Variants in JADE2 observed in about 807,000 individuals in gnomAD.
JADE2 encodes the protein jade family PHD finger 2.
JADE2 carries 13 observed loss-of-function variants against 85.7 expected under a neutral mutation model. The ratio of observed to expected loss-of-function variants is 0.15; its 90% CI spans 0.10 to 0.24. JADE2 has a LOEUF of 0.24. Ranked by LOEUF, JADE2 falls within the 10% of genes least tolerant of loss-of-function variation. The pLI is 1.00. For missense variants in JADE2, 846 were observed against 1,115.9 expected (o/e 0.76, Z 3.45); for synonymous variants, 440 against 456.1 (o/e 0.96, Z 0.45).
chr5:134,560,823 A>G lies in JADE2; in HGVS notation c.550A>G (p.Arg184Gly). ...LETLCHQNMARAIETQEGLGI... is the reference protein window; with the variant it reads ...LETLCHQNMAGAIETQEGLGI... ...GACCCTGTGCCACCAGAATATGGCC[A>G]GGGCCATTGAGACGCAGGAGGGGCT... Residue 184 changes from arginine (R) to glycine (G), a missense_variant, in exon 6 of 12, where the codon AGG becomes GGG. By Grantham distance (125) the Arg-to-Gly change is moderately radical. This residue lies in a region of JADE2 where 129 missense variants were observed against 255.4 expected (regional missense o/e 0.51). Transcript: ENST00000681547. 6.2e-7 allele frequency: 1 copy of G among 1,614,196 alleles called. No homozygotes were observed. Among genetic ancestry groups the G allele is most frequent in the Non-Finnish European group, 8.5e-7 (1 of 1,180,018 alleles).
chr5:134,558,632 G>A (rs1278652863), intron 4 of JADE2, among the ~76,000 whole-genome samples: 2 of 152,204 alleles, frequency 1.3e-5, no homozygotes, highest in African/African-American at 4.8e-5. Context: ...TCCGCCTCCC[G>A]GGTTCAAGCA....
At chr5:134,535,966 C>T in intron 2 of JADE2, 51 bp downstream of exon 2, 1 of 1,452,254 alleles carries the variant, frequency 6.9e-7, no homozygotes, top group Non-Finnish European at 9.7e-7. Flanking sequence ...GAACAGTGAT[C>T]AGGCCCACAG....
At chr5:134,527,020 C>G (rs1014582765) in intron 1 of JADE2, among the ~76,000 whole-genome samples, 1 of 152,178 alleles carries the variant, frequency 6.6e-6, no homozygotes, top group Non-Finnish European at 1.5e-5. Context: ...GCCTAGGGCC[C>G]TGCACCATGG....
At position 134,548,660 on chromosome 5, in the gene JADE2, T is replaced by G. The variant is rs1762435606; in HGVS notation, c.154-3392T>G. 2.0e-5 allele frequency among the ~76,000 whole-genome samples: 3 copies of G among 152,130 alleles called. No individual in the cohort carries two copies. In the South Asian group the frequency reaches 6.2e-4, roughly 32 times the overall value. Reference sequence around the variant, plus strand: ...CTCTTTTGTCTTCCCACAATCTCCCTAACTGTAGTGGGAAGGGACTCTGAA... The same window carrying G: ...CTCTTTTGTCTTCCCACAATCTCCCGAACTGTAGTGGGAAGGGACTCTGAA... On this transcript the variant is annotated intron_variant, in intron 3 of 11. Transcript: ENST00000681547.
chr5:134,571,683 C>T (rs1276028003), intron 9 of JADE2, among the ~76,000 whole-genome samples: 1 of 152,190 alleles, frequency 6.6e-6, no homozygotes, highest in Non-Finnish European at 1.5e-5. Context: ...GGCGACAGAC[C>T]GAGACCCCGT....
At chr5:134,533,678 A>G (rs920842190) in intron 1 of JADE2, 1 of 500,118 alleles carries the variant, frequency 2.0e-6, no homozygotes, top group East Asian at 1.5e-4. Flanking sequence ...GAGCTGAGGA[A>G]GACGTAGGCT....
At chr5:134,554,311 C>T (rs1762783891) in intron 4 of JADE2, among the ~76,000 whole-genome samples, 1 of 152,114 alleles carries the variant, frequency 6.6e-6, no homozygotes, top group African/African-American at 2.4e-5. Flanking sequence ...TGCCCCAGGC[C>T]TCTCCAGAAG....
At chr5:134,545,261 A>G (rs1486967043) in intron 3 of JADE2, among the ~76,000 whole-genome samples, 2 of 152,152 alleles carry the variant, frequency 1.3e-5, no homozygotes, top group Non-Finnish European at 2.9e-5. Flanking sequence ...ATCCACTTCT[A>G]TAGTTGGAAA....
chr5:134,534,496 G>A (rs1761459091), intron 1 of JADE2, among the ~76,000 whole-genome samples: 1 of 152,036 alleles, frequency 6.6e-6, no homozygotes, highest in South Asian at 2.1e-4. Flanking sequence ...GTAGAGAGAA[G>A]CTCCCGGCTA....
Position 134,578,799 on chromosome 5 carries a change from A to C in JADE2, c.1987A>C (p.Thr663Pro), listed in dbSNP as rs1257234192. ...PPPQDGPGSR[T>P]TPDKAPKKTW... The stretch of plus-strand genomic sequence containing the variant: ...ACCGCAGGACGGGCCTGGTTCACGG[A>C]CGACTCCAGACAAAGCCCCCAAGAA... Residue 663 changes from threonine to proline, a missense_variant, in exon 12 of 12, where the codon ACG (threonine) becomes CCG (proline). By Grantham distance (38) the Thr-to-Pro change is conservative (BLOSUM62 -1). Around this residue, in one of 9 missense-constraint regions of JADE2, gnomAD observed 300 missense variants for 300.7 expected, o/e 1.00. Coordinates refer to ENST00000681547, the MANE Select transcript of JADE2 (RefSeq NM_001388185.1). This position sits in a 1 kb window ranked among gnomAD's most constrained non-coding sequence, Gnocchi z 4.4. 3 of 1,613,734 alleles carry C rather than the reference A, an allele frequency of 1.9e-6. No homozygotes were observed. Among genetic ancestry groups the C allele is most frequent in the South Asian group, 2.2e-5 (2 of 91,080 alleles).
At chr5:134,564,834 C>T (rs1318191572) in intron 8 of JADE2, among the ~76,000 whole-genome samples, 5 of 152,302 alleles carry the variant, frequency 3.3e-5, no homozygotes, top group Non-Finnish European at 5.9e-5. Context: ...AACCAAGGCT[C>T]ACCACCCCAT....
chr5:134,578,790 G>A lies in JADE2; in HGVS notation c.1978G>A (p.Gly660Ser). The part of the protein sequence containing the change: ...PPPPPPQDGP[G>S]SRTTPDKAPK... ...ACCACCACCACCGCAGGACGGGCCT[G>A]GTTCACGGACGACTCCAGACAAAGC... Residue 660 changes from glycine (G) to serine (S), a missense_variant, in exon 12 of 12, where the codon GGT becomes AGT. Around this residue, in one of 9 missense-constraint regions of JADE2, gnomAD observed 300 missense variants for 300.7 expected, o/e 1.00. Transcript: ENST00000681547. This position sits in a 1 kb window ranked among gnomAD's most constrained non-coding sequence, Gnocchi z 4.4. 1 of 1,613,798 alleles carries A rather than the reference G, an allele frequency of 6.2e-7. No homozygotes were observed. Among genetic ancestry groups the A allele is most frequent in the Non-Finnish European group, 8.5e-7 (1 of 1,180,004 alleles).
intron 8 of JADE2, 81 bp downstream of exon 8, chr5:134,564,691 C>T (rs1763531217): frequency 1.1e-6 from 1 of 870,902 alleles, no homozygotes; most frequent in Non-Finnish European, 1.8e-6. Flanking sequence ...CTGCCACCAC[C>T]TTCTCCCCTC....
rs980257177 is a variant in JADE2 at position 134,552,078 on chromosome 5, C to T, written c.180C>T (p.Ala60=). 4.3e-6 allele frequency: 7 copies of T among 1,614,108 alleles called. No homozygotes were observed. The Admixed American group carries it at 1.2e-4, about 27-fold the overall frequency. The stretch of plus-strand genomic sequence containing the variant: ...TTTTCCGGACAGACTTGATCACAGC[C>T]ATGAAGATCCCGGACTCATACCAGC... ...SEVFRTDLIT[A]MKIPDSYQLS... is the part of the protein sequence containing the mutation. Residue 60 remains alanine, a synonymous_variant, in exon 4 of 12, where the codon GCC becomes GCT. Coordinates refer to ENST00000681547, the MANE Select transcript of JADE2 (RefSeq NM_001388185.1).
chr5:134,581,178 G>T lies in JADE2; in HGVS notation c.*1861G>T, dbSNP rs1293694059. Reference sequence around the variant, plus strand: ...GATCGGACAAATGTGTCTAGTCCGGGTGGACTCGGAGGGAGTGGGGTGGGC... The same window carrying T: ...GATCGGACAAATGTGTCTAGTCCGGTTGGACTCGGAGGGAGTGGGGTGGGC... On this transcript the variant is annotated 3_prime_UTR_variant, in exon 12 of 12. Transcript: ENST00000681547. 1 of 152,546 alleles carries T rather than the reference G, an allele frequency of 6.6e-6. No individual in the cohort carries two copies. Among genetic ancestry groups the T allele is most frequent in the Non-Finnish European group, 1.5e-5 (1 of 68,052 alleles). 9.4% of individuals were successfully genotyped at this position (152,546 alleles called of 1,614,324 possible).
intron 9 of JADE2, among the ~76,000 whole-genome samples, chr5:134,570,796 T>C (rs1405002554): frequency 6.6e-6 from 1 of 152,166 alleles, no homozygotes; most frequent in Non-Finnish European, 1.5e-5. Flanking sequence ...CCCTGACTGC[T>C]CACTCCCAGG....
chr5:134,569,519 T>C (rs1053381113), intron 9 of JADE2, among the ~76,000 whole-genome samples: 2 of 152,160 alleles, frequency 1.3e-5, no homozygotes, highest in Non-Finnish European at 2.9e-5. Context: ...ATCGCAGCAC[T>C]GTTGATCAGC....
intron 4 of JADE2, among the ~76,000 whole-genome samples, 171 bp from the exon 5 acceptor site, chr5:134,559,659 G>A (rs189524241): frequency 6.6e-6 from 1 of 152,352 alleles, no homozygotes; most frequent in African/African-American, 2.4e-5. Flanking sequence ...CTGCAGGGTG[G>A]GCAGATGGTG....
chr5:134,564,651 G>A (rs1763529094), intron 8 of JADE2, 41 bp downstream of exon 8: 1 of 1,347,360 alleles, frequency 7.4e-7, no homozygotes, highest in Non-Finnish European at 1.0e-6. Flanking sequence ...GGAGCTGGCT[G>A]AGAGGCATGC....
Sources: allele counts gnomAD v4.1 joint callset (sites outside exome capture counted in the v4.1 genomes callset), GRCh38; gene constraint gnomAD v4.1.1; regional missense constraint gnomAD v4.1.1; non-coding constraint Gnocchi (gnomAD v3.1); transcripts MANE v1.5; gene names NCBI Gene and HGNC (gene_info 2026-07-23, HGNC 2026-07-21).